The following KCNK2 variants were observed in gnomAD, a reference collection of about 807,000 sequenced individuals.
The protein encoded by KCNK2 is potassium channel subfamily K member 2.
In KCNK2, 21 loss-of-function variants were observed where a neutral mutation model predicts 40.5. The observed-to-expected ratio is 0.52, with a 90% CI of 0.37 to 0.75. KCNK2 has a LOEUF of 0.75. KCNK2 is among the 30% of genes least tolerant of loss of function. The probability of loss-of-function intolerance (pLI) is 0.00; values close to 1 mark genes in which losing one functional copy is unlikely to be tolerated. For synonymous variants in KCNK2, 191 were observed against 202.2 expected (o/e 0.94, Z 0.47); for missense variants, 399 against 531.6 (o/e 0.75, Z 2.45).
chr1:215,170,824 A>T (rs1248764899), intron 4 of KCNK2, among the ~76,000 whole-genome samples: 2 of 152,108 alleles, frequency 1.3e-5, no homozygotes, highest in African/African-American at 4.8e-5. Flanking sequence ...CATTCAACAA[A>T]TTTTTTAGTG....
At chr1:215,106,269 TG>T (rs1558093603) in intron 2 of KCNK2, among the ~76,000 whole-genome samples, 1 of 152,114 alleles carries the variant, frequency 6.6e-6, no homozygotes, top group African/African-American at 2.4e-5. Flanking sequence ...TTTGACTTTT[TG>T]ATAATAACCA....
intron 1 of KCNK2, among the ~76,000 whole-genome samples, chr1:215,061,943 A>T (rs918066588): frequency 3.5e-4 from 53 of 152,266 alleles, no homozygotes; most frequent in African/African-American, 1.3e-3. Flanking sequence ...TTTTAAAAGG[A>T]AATCATCCTG....
At chr1:215,130,083 A>T in intron 3 of KCNK2, among the ~76,000 whole-genome samples, 1 of 152,174 alleles carries the variant, frequency 6.6e-6, no homozygotes, top group South Asian at 2.1e-4. Context: ...GGGGGCTAAT[A>T]GCCAGAGAAA....
intron 1 of KCNK2, chr1:215,083,689 G>T (rs1469650841): frequency 1.7e-6 from 1 of 573,168 alleles, no homozygotes; most frequent in African/African-American, 1.9e-5. Context: ...CACCTTGGGG[G>T]AGTTTCCCAT....
intron 1 of KCNK2, among the ~76,000 whole-genome samples, chr1:215,065,420 G>A (rs900942299): frequency 6.6e-6 from 1 of 152,020 alleles, no homozygotes; most frequent in Non-Finnish European, 1.5e-5. Context: ...AAAAAGAAAA[G>A]GAAGAAGTGA....
Position 215,184,185 on chromosome 1 carries a change from C to T in KCNK2, c.824-10768C>T, listed in dbSNP as rs570763480. 8.5e-5 allele frequency among the ~76,000 whole-genome samples: 13 copies of T among 152,142 alleles called. No homozygotes were observed. In the South Asian group the frequency reaches 1.2e-3, roughly 15 times the overall value. ...GGAGAATTTGAGACATTTCTAACTC[C>T]GTATAAGATAAGCTTGTGTCCTGAA... is the stretch of plus-strand genomic sequence containing the variant. On this transcript the variant is annotated intron_variant, in intron 5 of 6. Transcript: ENST00000444842.
intron 2 of KCNK2, among the ~76,000 whole-genome samples, chr1:215,095,870 T>A (rs1471916942): frequency 6.6e-6 from 1 of 152,058 alleles, no homozygotes; most frequent in Admixed American, 6.6e-5. Context: ...CATTTACTCA[T>A]GGTAAACTGA....
In KCNK2 at chr1:215,055,345, A is replaced by T. The variant is rs1232305608; in HGVS notation, c.35-31023A>T. On this transcript the variant is annotated intron_variant, in intron 1 of 6. Coordinates refer to the KCNK2 transcript ENST00000391895. The stretch of plus-strand genomic sequence containing the variant: ...ACAGAGGATATGACACATATCAGTT[A>T]TTCATGAATACAAAGTAAGCTATGA... 2.0e-5 allele frequency among the ~76,000 whole-genome samples: 3 copies of T among 152,228 alleles called. No homozygotes were observed. The South Asian group carries it at 6.2e-4, about 31-fold the overall frequency.
At chr1:215,226,906 A>G (rs190733609) in intron 6 of KCNK2, among the ~76,000 whole-genome samples, 97 of 152,326 alleles carry the variant, frequency 6.4e-4, no homozygotes, top group African/African-American at 2.2e-3. Context: ...TTGAGGAAAC[A>G]TATTTTGGAC....
At chr1:215,101,214 C>G (rs529179767) in intron 2 of KCNK2, among the ~76,000 whole-genome samples, 4 of 151,868 alleles carry the variant, frequency 2.6e-5, no homozygotes, top group Non-Finnish European at 5.9e-5. Flanking sequence ...TGAGGGGTGA[C>G]TAAAAATTAA....
At chr1:215,182,256 G>A (rs552694791) in intron 5 of KCNK2, among the ~76,000 whole-genome samples, 8 of 152,204 alleles carry the variant, frequency 5.3e-5, no homozygotes, top group Admixed American at 5.2e-4. Flanking sequence ...CGCAGGAAGG[G>A]CAGAGCTATT....
Position 215,032,103 on chromosome 1 carries a change from A to ATTTT in KCNK2, c.34+26163_34+26166dup, listed in dbSNP as rs368295671. 3.4e-3 allele frequency among the ~76,000 whole-genome samples: 467 copies of ATTTT among 137,718 alleles called. 2 individuals are homozygous for ATTTT. Among genetic ancestry groups the ATTTT allele is most frequent in the African/African-American group, 0.01 (384 of 37,534 alleles). The allele number at this position is 137,718 out of a possible 152,430, so 90.3% of individuals were successfully genotyped here. A position where few individuals can be genotyped will look rare whatever the true frequency, so the allele number is the denominator to read the frequency against. On this transcript the variant is annotated intron_variant, in intron 1 of 6. Transcript: ENST00000391895. ...CTGTTATCTGTTACATCAATTAAGG[A>ATTTT]TTTTTTTTTTTTTTTTTTAGAAGGG...
intron 2 of KCNK2, among the ~76,000 whole-genome samples, chr1:215,119,746 A>G (rs575408421): frequency 6.6e-6 from 1 of 152,274 alleles, no homozygotes; most frequent in East Asian, 1.9e-4. Flanking sequence ...AGTTGTCAAC[A>G]TGACTTGATT....
At chr1:215,111,676 G>A (rs191041889) in intron 2 of KCNK2, among the ~76,000 whole-genome samples, 23 of 152,092 alleles carry the variant, frequency 1.5e-4, no homozygotes, top group Non-Finnish European at 2.8e-4. Flanking sequence ...CTTGTTGAAC[G>A]TCTTTATGAT....
intron 2 of KCNK2, among the ~76,000 whole-genome samples, chr1:215,092,594 C>A (rs986500433): frequency 6.6e-6 from 1 of 152,122 alleles, no homozygotes; most frequent in Admixed American, 6.6e-5. Flanking sequence ...CAAGGCCATA[C>A]CAGGACACTC....
At chr1:215,131,410 A>G (rs2102589691) in intron 3 of KCNK2, among the ~76,000 whole-genome samples, 1 of 146,994 alleles carries the variant, frequency 6.8e-6, no homozygotes, top group African/African-American at 2.5e-5. Context: ...TAGTATATTT[A>G]TATTTTATAT....
intron 5 of KCNK2, among the ~76,000 whole-genome samples, chr1:215,186,126 A>G (rs181346605): frequency 6.6e-6 from 1 of 152,216 alleles, no homozygotes; most frequent in East Asian, 1.9e-4. Context: ...ATAAGAGAAC[A>G]TGACGATTAG....
At chr1:215,021,357 C>T (rs1269231293) in intron 1 of KCNK2, among the ~76,000 whole-genome samples, 1 of 106,268 alleles carries the variant, frequency 9.4e-6, no homozygotes, top group African/African-American at 2.9e-5. Context: ...AGCATTATGT[C>T]TGGACACATC....
chr1:215,119,025 T>C (rs1241116000), intron 2 of KCNK2, among the ~76,000 whole-genome samples: 2 of 152,136 alleles, frequency 1.3e-5, no homozygotes, highest in Non-Finnish European at 2.9e-5. Context: ...GAACTTCTGG[T>C]GCCATTTGTG....
Sources: allele counts gnomAD v4.1 joint callset (sites outside exome capture counted in the v4.1 genomes callset), GRCh38; gene constraint gnomAD v4.1.1; transcripts MANE v1.5; gene names NCBI Gene and HGNC (gene_info 2026-07-23, HGNC 2026-07-21).